The following SQLE variants were observed in gnomAD, a reference collection of about 807,000 sequenced individuals.
SQLE encodes squalene epoxidase.
SQLE carries 29 observed loss-of-function variants against 60.7 expected under a neutral mutation model. That is an observed-to-expected ratio of 0.48 (90% CI 0.36 to 0.65). The LOEUF is 0.65. Ranked by LOEUF, SQLE falls within the 30% of genes least tolerant of loss-of-function variation. SQLE has a pLI of 0.00. For missense variants in SQLE, 605 were observed against 684.1 expected (o/e 0.88, Z 1.29); for synonymous variants, 237 against 246.8 (o/e 0.96, Z 0.37).
intron 7 of SQLE, among the ~76,000 whole-genome samples, chr8:125,014,831 C>T (rs1330865443): frequency 6.6e-6 from 1 of 152,014 alleles, no homozygotes; most frequent in East Asian, 1.9e-4. Flanking sequence ...TGTGGCCTAC[C>T]CATGATCTAT....
intron 7 of SQLE, among the ~76,000 whole-genome samples, chr8:125,011,959 AG>A (rs1222787138): frequency 1.3e-5 from 2 of 151,542 alleles, no homozygotes; most frequent in Non-Finnish European, 2.9e-5. Flanking sequence ...TGTGCAGAGC[AG>A]GGAGGGAAGC....
chr8:125,018,481 A>C (rs1815145599), intron 8 of SQLE, 150 bp from the exon 9 acceptor site: 1 of 668,860 alleles, frequency 1.5e-6, no homozygotes, highest in Non-Finnish European at 2.4e-6. Flanking sequence ...TCTGAAGGTG[A>C]TTTTTTATTT....
Position 125,003,169 on chromosome 8 carries a change from T to TTA in SQLE, c.292-7_292-6insTA. 3 of 1,576,420 alleles carry TTA rather than the reference T, an allele frequency of 1.9e-6. No homozygotes were observed. Among genetic ancestry groups the TTA allele is most frequent in the Admixed American group, 3.9e-5 (2 of 51,328 alleles). ...GATACCTAGTTTACCTTTTTTTTTT[T>TTA]AAACAGCGCAGAAAAGGAACCAATA... On this transcript the variant is annotated splice_polypyrimidine_tract_variant and splice_region_variant and intron_variant, in intron 1 of 10. Coordinates refer to ENST00000265896, the MANE Select transcript of SQLE (RefSeq NM_003129.4).
At chr8:125,014,763 G>T (rs1483660830) in intron 7 of SQLE, among the ~76,000 whole-genome samples, 1 of 152,142 alleles carries the variant, frequency 6.6e-6, no homozygotes, top group Non-Finnish European at 1.5e-5. Context: ...TTCCACTGTG[G>T]TCAGAGAAGA....
Position 125,018,030 on chromosome 8 carries a change from A to G in SQLE, c.1205-29A>G, listed in dbSNP as rs1290233286. ...TGTTTTGTCTCAAGGGATGCTCTAA[A>G]ATAAAATCTTCATTACCTCTCTTCA... On this transcript the variant is annotated intron_variant, in intron 7 of 10. Transcript: ENST00000265896. 5 of 1,608,434 alleles carry G rather than the reference A, an allele frequency of 3.1e-6. No individual in the cohort carries two copies. The South Asian group carries it at 4.5e-5, about 14-fold the overall frequency.
At chr8:125,006,018 A>C (rs957604029) in intron 3 of SQLE, among the ~76,000 whole-genome samples, 3 of 152,194 alleles carry the variant, frequency 2.0e-5, no homozygotes, top group South Asian at 4.1e-4. Flanking sequence ...ATTTGTGCAC[A>C]TTTTGGAGTT....
chr8:125,008,878 T>A lies in SQLE; in HGVS notation c.823-93T>A. The A allele has an allele frequency of 6.2e-6, 5 of 802,736 alleles. No individual in the cohort carries two copies. In the South Asian group the frequency reaches 7.2e-5, roughly 12 times the overall value. 49.7% of individuals were successfully genotyped at this position (802,736 alleles called of 1,614,324 possible). On this transcript the variant is annotated intron_variant, in intron 4 of 10. Coordinates refer to ENST00000265896, the MANE Select transcript of SQLE (RefSeq NM_003129.4). ...CTCTCTATAATGCTATCTGATAATA[T>A]ATCTAAATCTCTTCACGCACATTTT...
At chr8:125,015,034 G>A (rs1057074059) in intron 7 of SQLE, among the ~76,000 whole-genome samples, 1 of 152,024 alleles carries the variant, frequency 6.6e-6, no homozygotes, top group Non-Finnish European at 1.5e-5. Flanking sequence ...GATTGTATTG[G>A]GGTCTGTCTC....
chr8:125,018,694 C>T lies in SQLE; in HGVS notation c.1411C>T (p.Gln471Ter). ...TTCCTTTGTCGTGAATATCCTTGCT[C>T]AGGCTCTTTATGAATTATTTTCTGC... is the stretch of plus-strand genomic sequence containing the variant. ...SHSFVVNILAQALYELFSATD... is the reference protein window; with the variant it reads ...SHSFVVNILA The change falls in exon 9 of 11, where the codon CAG (glutamine) becomes TAG (stop). Residue 471 changes from glutamine to a stop codon, truncating the protein, a stop_gained. Transcript: ENST00000265896. LOFTEE classifies it high-confidence loss of function. 6.2e-7 allele frequency: 1 copy of T among 1,606,080 alleles called. No individual in the cohort carries two copies. The highest frequency in any genetic ancestry group is 2.2e-5 in the East Asian group (1 of 44,690).
At position 125,018,187 on chromosome 8, in the gene SQLE, G is replaced by A. The variant is rs1319723858; in HGVS notation, c.1333G>A (p.Ala445Thr). ...LKGIPDLYDD[A>T]AIFEAKKSFY... ...GGGTATCCCTGACCTTTATGATGAT[G>A]CAGCTATTTTCGAGGTAAGATCAAT... Residue 445 changes from alanine (A) to threonine (T), a missense_variant, in exon 8 of 11, where the codon GCA (alanine) becomes ACA (threonine). Transcript: ENST00000265896. The A allele has an allele frequency of 1.2e-6, 2 of 1,606,000 alleles. No individual in the cohort carries two copies. Among genetic ancestry groups the A allele is most frequent in the Non-Finnish European group, 1.7e-6 (2 of 1,178,054 alleles).
chr8:125,007,034 G>A (rs537617837), intron 3 of SQLE, among the ~76,000 whole-genome samples: 5 of 152,280 alleles, frequency 3.3e-5, no homozygotes, highest in African/African-American at 1.2e-4. Flanking sequence ...TTTGCAGGAT[G>A]CATTCCAATA....
At chr8:125,003,481 C>G (rs1563595942) in intron 2 of SQLE, 53 bp downstream of exon 2, 3 of 1,576,484 alleles carry the variant, frequency 1.9e-6, no homozygotes, top group Non-Finnish European at 2.6e-6. Flanking sequence ...AAGCACTCTT[C>G]ACTTAGACCA....
At chr8:124,999,742 G>C in intron 1 of SQLE, 48 bp downstream of exon 1, 1 of 1,521,098 alleles carries the variant, frequency 6.6e-7, no homozygotes, top group South Asian at 1.3e-5. Context: ...TTAGGAGTAG[G>C]ATTGGGTTCA....
At chr8:125,002,173 G>A (rs914183215) in intron 1 of SQLE, among the ~76,000 whole-genome samples, 1 of 152,130 alleles carries the variant, frequency 6.6e-6, no homozygotes. Context: ...TTAAATATGT[G>A]CTTATATGTT....
intron 8 of SQLE, 41 bp from the exon 9 acceptor site, chr8:125,018,590 T>G: frequency 7.2e-7 from 1 of 1,398,316 alleles, no homozygotes; most frequent in Non-Finnish European, 9.9e-7. Context: ...TTTGTGCTTT[T>G]TTATCCTTAC....
intron 1 of SQLE, among the ~76,000 whole-genome samples, chr8:125,000,892 A>G (rs13268726): frequency 0.11 from 17,053 of 152,186 alleles, 1,264 homozygotes; most frequent in Admixed American, 0.23. Context: ...TTGCGCCACC[A>G]TTTCTGGATG....
chr8:124,999,976 G>A (rs1814815324), intron 1 of SQLE: 1 of 598,832 alleles, frequency 1.7e-6, no homozygotes. Context: ...TCATTTTGAA[G>A]GAGAAGAACA....
At position 124,998,691 on chromosome 8, in the gene SQLE, G is replaced by A; in HGVS notation, c.-713G>A. On this transcript the variant is annotated 5_prime_UTR_variant, in exon 1 of 11. It adds an upstream start codon to the 5' untranslated region. Coordinates refer to ENST00000265896, the MANE Select transcript of SQLE (RefSeq NM_003129.4). Reference sequence around the variant, plus strand: ...TTATCGGTGGGGAAGTGCAGTCGCGGTGGGCGGCTCTGGGGGCCAGCGAAA... The same window carrying A: ...TTATCGGTGGGGAAGTGCAGTCGCGATGGGCGGCTCTGGGGGCCAGCGAAA... 1.6e-6 allele frequency: 1 copy of A among 639,428 alleles called. No homozygotes were observed. Among genetic ancestry groups the A allele is most frequent in the African/African-American group, 1.9e-5 (1 of 53,548 alleles). 39.6% of individuals were successfully genotyped at this position (639,428 alleles called of 1,614,324 possible).
chr8:125,003,462 G>T, intron 2 of SQLE, 34 bp downstream of exon 2: 1 of 1,607,538 alleles, frequency 6.2e-7, no homozygotes, highest in South Asian at 1.1e-5. Context: ...AGAGTTACGT[G>T]GTATGAACAA....
Sources: gnomAD v4.1 joint callset for allele counts (sites outside exome capture counted in the v4.1 genomes callset) on GRCh38, gnomAD v4.1.1 for gene constraint, MANE v1.5 for transcripts, NCBI Gene and HGNC (gene_info 2026-07-23, HGNC 2026-07-21) for gene names.